Variants in EYS observed in about 807,000 individuals in gnomAD.
The protein encoded by EYS is EGF-like photoreceptor maintenance factor.
Under a neutral mutation model 282.1 loss-of-function variants are expected in EYS, and 250 were observed. The ratio of observed to expected loss-of-function variants is 0.89; its 90% CI spans 0.80 to 0.98. EYS has a LOEUF of 0.98. Among genes scored for constraint, EYS ranks in the 50% least tolerant of loss-of-function variants. The pLI is 0.00. For missense variants in EYS, 4,016 were observed against 3,709.0 expected, an observed-to-expected ratio of 1.08 and a Z score of -2.15; for synonymous variants, 1,355 against 1,282.9, an observed-to-expected ratio of 1.06 and a Z score of -1.20.
At chr6:64,793,229 T>G (rs529704287) in intron 22 of EYS, among the ~76,000 whole-genome samples, 1 of 152,178 alleles carries the variant, frequency 6.6e-6, no homozygotes, top group African/African-American at 2.4e-5. Context: ...TATTTATTGG[T>G]GTAAATCAAT....
At chr6:65,245,338 C>T (rs1767152744) in intron 12 of EYS, among the ~76,000 whole-genome samples, 1 of 151,986 alleles carries the variant, frequency 6.6e-6, no homozygotes. Context: ...CCTATTTTTC[C>T]AAAAATGTAA....
At chr6:64,824,845 TC>T (rs1485601710) in intron 19 of EYS, among the ~76,000 whole-genome samples, 2 of 151,890 alleles carry the variant, frequency 1.3e-5, no homozygotes, top group Non-Finnish European at 2.9e-5. Flanking sequence ...GATCTTTTTT[TC>T]CTAATGTTTT....
chr6:65,307,631 G>C (rs1769048430), intron 11 of EYS, among the ~76,000 whole-genome samples: 1 of 138,100 alleles, frequency 7.2e-6, no homozygotes, highest in African/African-American at 2.4e-5. Flanking sequence ...GTTTTCAGGA[G>C]CTTCAATCCG....
chr6:65,227,757 G>T (rs570376675), intron 12 of EYS, among the ~76,000 whole-genome samples: 29 of 152,130 alleles, frequency 1.9e-4, no homozygotes, highest in African/African-American at 4.8e-4. Context: ...ATGAAATTAT[G>T]ATACATGATA....
chr6:65,059,486 C>T (rs1433048852), intron 12 of EYS, among the ~76,000 whole-genome samples: 1 of 152,108 alleles, frequency 6.6e-6, no homozygotes, highest in Non-Finnish European at 1.5e-5. Context: ...GTCTCCTACC[C>T]TCCTACAGAG....
chr6:64,219,924 T>A (rs1009137178), intron 31 of EYS, among the ~76,000 whole-genome samples: 2 of 151,890 alleles, frequency 1.3e-5, no homozygotes, highest in Non-Finnish European at 2.9e-5. Flanking sequence ...AGCAAACTAC[T>A]GCAAGCACAA....
intron 22 of EYS, among the ~76,000 whole-genome samples, chr6:64,703,429 A>ATATATTTTTT (rs869208549): frequency 3.0e-4 from 7 of 23,360 alleles, no homozygotes; most frequent in East Asian, 8.1e-4. Context: ...ATATATATAT[A>ATATATTTTTT]TTTTTTTTTT....
At chr6:64,034,351 A>G (rs1174861168) in intron 33 of EYS, among the ~76,000 whole-genome samples, 1 of 152,212 alleles carries the variant, frequency 6.6e-6, no homozygotes, top group African/African-American at 2.4e-5. Context: ...ATATTAGCTC[A>G]TAACCTCCAG....
chr6:64,961,022 G>A (rs1769895798), intron 14 of EYS, among the ~76,000 whole-genome samples: 1 of 152,148 alleles, frequency 6.6e-6, no homozygotes, highest in African/African-American at 2.4e-5. Flanking sequence ...CATAGTGTAT[G>A]TGTACCACAT....
intron 2 of EYS, among the ~76,000 whole-genome samples, chr6:65,591,193 T>A (rs1348863579): frequency 1.3e-5 from 2 of 151,984 alleles, no homozygotes; most frequent in East Asian, 3.9e-4. Flanking sequence ...TGAGATGGTA[T>A]TTTACAGTGG....
chr6:64,677,584 CTTTAT>C (rs1374496339), intron 22 of EYS, among the ~76,000 whole-genome samples: 1 of 152,030 alleles, frequency 6.6e-6, no homozygotes, highest in African/African-American at 2.4e-5. Context: ...CTCCATATCA[CTTTAT>C]TTTATAGTTT....
In EYS at chr6:64,295,551, GAAGAA is replaced by G. The variant is rs1561912687; in HGVS notation, c.6191+11414_6191+11418del. Among the ~76,000 whole-genome samples the G allele has an allele frequency of 1.2e-3, 86 of 70,396 alleles. 35 individuals are homozygous for G. Among genetic ancestry groups the G allele is most frequent in the African/African-American group, 6.4e-3 (82 of 12,756 alleles). The allele number at this position is 70,396 out of a possible 152,430, so 46.2% of individuals were successfully genotyped here. The stretch of plus-strand genomic sequence containing the variant: ...AAGAAGAAGAAAGAAGAAGAAAGAA[GAAGAA>G]AGAAGAAGAAAAGAAGAAGAAAATT... On this transcript the variant is annotated intron_variant, in intron 30 of 42. Coordinates refer to ENST00000503581, the MANE Select transcript of EYS (RefSeq NM_001142800.2).
chr6:65,637,413 G>T (rs1767123863), intron 2 of EYS, among the ~76,000 whole-genome samples: 1 of 152,236 alleles, frequency 6.6e-6, no homozygotes, highest in Non-Finnish European at 1.5e-5. Flanking sequence ...AAGGATGCTG[G>T]TTGCACAGCA....
chr6:64,876,497 A>C (rs1031951073), intron 19 of EYS, among the ~76,000 whole-genome samples: 20 of 152,254 alleles, frequency 1.3e-4, no homozygotes, highest in African/African-American at 4.8e-4. Flanking sequence ...GTGTGCCTTT[A>C]ATGTCCTAGG....
chr6:64,313,763 A>G (rs1769823409), intron 29 of EYS, among the ~76,000 whole-genome samples: 1 of 152,168 alleles, frequency 6.6e-6, no homozygotes, highest in African/African-American at 2.4e-5. Flanking sequence ...TATCCAGCCA[A>G]CCTAAGCTTC....
intron 1 of EYS, among the ~76,000 whole-genome samples, chr6:65,690,235 AG>A (rs1312606323): frequency 6.7e-6 from 1 of 150,134 alleles, no homozygotes; most frequent in African/African-American, 2.4e-5. Context: ...TTGCAGCAAA[AG>A]CTGGTTACAA....
chr6:65,538,948 G>A (rs1768061499), intron 2 of EYS, among the ~76,000 whole-genome samples: 1 of 151,958 alleles, frequency 6.6e-6, no homozygotes, highest in Admixed American at 6.6e-5. Context: ...TTAATATTCT[G>A]GCAACAAGTT....
At chr6:64,594,533 C>T (rs1766514707) in intron 24 of EYS, among the ~76,000 whole-genome samples, 1 of 151,998 alleles carries the variant, frequency 6.6e-6, no homozygotes, top group Non-Finnish European at 1.5e-5. Context: ...GAGTTCATGT[C>T]CTTTGTAGGG....
At chr6:64,403,550 G>T (rs1049200766) in intron 28 of EYS, among the ~76,000 whole-genome samples, 4 of 151,926 alleles carry the variant, frequency 2.6e-5, no homozygotes, top group African/African-American at 9.7e-5. Context: ...ATAGAGATGG[G>T]GTTTCACCAT....
Sources: gnomAD v4.1 joint callset for allele counts (sites outside exome capture counted in the v4.1 genomes callset) on GRCh38, gnomAD v4.1.1 for gene constraint, MANE v1.5 for transcripts, NCBI Gene and HGNC (gene_info 2026-07-23, HGNC 2026-07-21) for gene names.